DNAJC3: variants seen among roughly 807,000 people sequenced by gnomAD.
DNAJC3 encodes DnaJ heat shock protein family (Hsp40) member C3.
A neutral mutation model predicts 68.6 loss-of-function variants in DNAJC3; 38 were observed. That is an observed-to-expected ratio of 0.55 (90% confidence interval 0.43 to 0.73). The LOEUF (loss-of-function observed/expected upper bound fraction) is 0.73. Ranked by LOEUF, DNAJC3 falls within the 30% of genes least tolerant of loss-of-function variation. The probability of loss-of-function intolerance (pLI) is 0.00; values close to 1 mark genes in which losing one functional copy is unlikely to be tolerated. For missense variants in DNAJC3, 526 were observed against 591.9 expected (o/e 0.89, Z 1.16); for synonymous variants, 203 against 204.0 (o/e 1.00, Z 0.04).
At chr13:95,757,984 G>A (rs1463444372) in intron 5 of DNAJC3, among the ~76,000 whole-genome samples, 188 bp downstream of exon 5, 1 of 152,186 alleles carries the variant, frequency 6.6e-6, no homozygotes, top group South Asian at 2.1e-4. Flanking sequence ...TTCAGTAAAT[G>A]TACTGAATGT....
intron 11 of DNAJC3, among the ~76,000 whole-genome samples, chr13:95,787,846 C>T (rs1209897296): frequency 6.6e-6 from 1 of 152,006 alleles, no homozygotes; most frequent in African/African-American, 2.4e-5. Flanking sequence ...CTGGAAATTT[C>T]GTTAAGAGGG....
intron 1 of DNAJC3, among the ~76,000 whole-genome samples, chr13:95,690,636 C>T (rs1480489759): frequency 1.5e-4 from 21 of 144,396 alleles, no homozygotes; most frequent in African/African-American, 3.8e-4. Context: ...ACCTCCCTCC[C>T]GGACGGGGCG....
intron 1 of DNAJC3, among the ~76,000 whole-genome samples, chr13:95,682,929 C>T (rs764220905): frequency 6.6e-6 from 1 of 152,150 alleles, no homozygotes; most frequent in Non-Finnish European, 1.5e-5. Context: ...TGCATACCCA[C>T]TATGTGCGGG....
intron 2 of DNAJC3, 45 bp from the exon 3 acceptor site, chr13:95,723,197 A>G: frequency 6.6e-7 from 1 of 1,520,046 alleles, no homozygotes; most frequent in Non-Finnish European, 8.9e-7. Context: ...TTAAATTTTT[A>G]TTTTTGAATA....
intron 5 of DNAJC3, among the ~76,000 whole-genome samples, chr13:95,759,443 C>G (rs937798018): frequency 1.3e-5 from 2 of 152,172 alleles, no homozygotes; most frequent in African/African-American, 4.8e-5. Flanking sequence ...TCCTGAGTAG[C>G]TGGGACCACT....
chr13:95,725,642 G>C (rs994839879), intron 4 of DNAJC3, among the ~76,000 whole-genome samples: 8 of 151,268 alleles, frequency 5.3e-5, no homozygotes, highest in Admixed American at 4.0e-4. Flanking sequence ...TTTGAGAGGA[G>C]TAATGAAACA....
intron 9 of DNAJC3, among the ~76,000 whole-genome samples, chr13:95,774,093 T>C (rs1220766791): frequency 6.6e-6 from 1 of 152,202 alleles, no homozygotes; most frequent in African/African-American, 2.4e-5. Context: ...ATGGCTTTTC[T>C]TTATTACTTT....
chr13:95,699,703 C>T (rs1478769898), intron 1 of DNAJC3, among the ~76,000 whole-genome samples: 6 of 152,220 alleles, frequency 3.9e-5, no homozygotes, highest in South Asian at 4.2e-4. Flanking sequence ...CTATGAAAGA[C>T]GTTTACTTCC....
intron 4 of DNAJC3, among the ~76,000 whole-genome samples, chr13:95,740,767 G>C (rs901306468): frequency 2.6e-5 from 4 of 152,016 alleles, no homozygotes; most frequent in African/African-American, 9.7e-5. Context: ...GAAATCACCC[G>C]TCTTCTGCGT....
At chr13:95,707,372 A>G (rs1315026829) in intron 1 of DNAJC3, among the ~76,000 whole-genome samples, 7 of 152,160 alleles carry the variant, frequency 4.6e-5, no homozygotes, top group Non-Finnish European at 7.3e-5. Context: ...CCTTATTTTC[A>G]TAATTTCTGC....
intron 2 of DNAJC3, among the ~76,000 whole-genome samples, chr13:95,711,900 T>C (rs946298439): frequency 3.9e-5 from 6 of 152,110 alleles, no homozygotes; most frequent in African/African-American, 1.4e-4. Context: ...TGTAAGAACA[T>C]TACAATAAAA....
At chr13:95,690,340 T>C (rs2139603585) in intron 1 of DNAJC3, among the ~76,000 whole-genome samples, 1 of 151,910 alleles carries the variant, frequency 6.6e-6, no homozygotes. Flanking sequence ...GGCAGAAGAA[T>C]TTTTCTTAGT....
intron 2 of DNAJC3, among the ~76,000 whole-genome samples, chr13:95,710,229 TTTTC>T (rs1305725504): frequency 1.2e-5 from 1 of 86,886 alleles, no homozygotes; most frequent in Non-Finnish European, 2.1e-5. Flanking sequence ...TCTCCTTTTC[TTTTC>T]TTTTTTTTTT....
At chr13:95,710,843 T>C (rs1310088302) in intron 2 of DNAJC3, among the ~76,000 whole-genome samples, 1 of 152,090 alleles carries the variant, frequency 6.6e-6, no homozygotes, top group Non-Finnish European at 1.5e-5. Flanking sequence ...CATGCCATCA[T>C]GCCCAGCTAA....
In DNAJC3 at chr13:95,729,752, A is replaced by G. The variant is rs1209562444; in HGVS notation, c.393+4500A>G. On this transcript the variant is annotated intron_variant, in intron 4 of 11. Coordinates refer to ENST00000602402, the MANE Select transcript of DNAJC3 (RefSeq NM_006260.5). ...TGTTTTGATTTGCATTTCCCTGATT[A>G]TTAGTGATGTTGAACATTTTTTCAT... is the stretch of plus-strand genomic sequence containing the variant. 2.6e-5 allele frequency among the ~76,000 whole-genome samples: 4 copies of G among 152,064 alleles called. No individual in the cohort carries two copies. The East Asian group carries it at 7.7e-4, about 29-fold the overall frequency.
Position 95,679,245 on chromosome 13 carries a change from T to C in DNAJC3, c.82+1908T>C, listed in dbSNP as rs146792493. 4.1e-3 allele frequency among the ~76,000 whole-genome samples: 598 copies of C among 146,328 alleles called. 4 individuals carry two copies. The highest frequency in any genetic ancestry group is 0.015 in the African/African-American group (574 of 38,936). On this transcript the variant is annotated intron_variant, in intron 1 of 11. Transcript: ENST00000602402. ...TGTAATTAACAAGAAGGTTATTTCC[T>C]GGGAGGTTTAATACAGTGGTTCTCA...
chr13:95,757,399 C>A (rs1015684613), intron 4 of DNAJC3, among the ~76,000 whole-genome samples: 1 of 152,130 alleles, frequency 6.6e-6, no homozygotes, highest in African/African-American at 2.4e-5. Flanking sequence ...ATTTGCTTCC[C>A]GGTAAGTTTT....
intron 2 of DNAJC3, among the ~76,000 whole-genome samples, chr13:95,715,335 T>C (rs1881101826): frequency 1.3e-5 from 2 of 152,098 alleles, no homozygotes; most frequent in African/African-American, 4.8e-5. Context: ...CCCAGGAGTT[T>C]GAGGAGGCAG....
At chr13:95,730,631 A>ATTTATTTC (rs1252364329) in intron 4 of DNAJC3, among the ~76,000 whole-genome samples, 1 of 151,928 alleles carries the variant, frequency 6.6e-6, no homozygotes, top group Non-Finnish European at 1.5e-5. Context: ...AAGTACATGG[A>ATTTATTTC]TTTATTTCTG....
Sources: gnomAD v4.1 joint callset for allele counts (sites outside exome capture counted in the v4.1 genomes callset) on GRCh38, gnomAD v4.1.1 for gene constraint, MANE v1.5 for transcripts, NCBI Gene and HGNC (gene_info 2026-07-23, HGNC 2026-07-21) for gene names.